The following CIB4 variants were observed in gnomAD, a reference collection of about 807,000 sequenced individuals.
CIB4 encodes the protein calcium and integrin binding family member 4.
CIB4 carries 25 observed loss-of-function variants against 25.8 expected under a neutral mutation model. The ratio of observed to expected loss-of-function variants is 0.97; its 90% CI spans 0.71 to 1.35. The LOEUF (loss-of-function observed/expected upper bound fraction) is 1.35, where lower values mean the gene tolerates loss of function less well. CIB4 is among the 40% of genes most tolerant of loss of function. CIB4 has a pLI of 0.00. For synonymous variants in CIB4, 75 were observed against 81.4 expected, an observed-to-expected ratio of 0.92 and a Z score of 0.42; for missense variants, 235 against 228.2, an observed-to-expected ratio of 1.03 and a Z score of -0.19.
At chr2:26,599,173 T>A (rs1353515964) in intron 3 of CIB4, among the ~76,000 whole-genome samples, 1 of 152,172 alleles carries the variant, frequency 6.6e-6, no homozygotes, top group East Asian at 1.9e-4. Context: ...ATTTCAAGAA[T>A]AACATGTACC....
intron 4 of CIB4, among the ~76,000 whole-genome samples, chr2:26,586,482 G>C (rs978824994): frequency 2.0e-4 from 30 of 152,232 alleles, no homozygotes; most frequent in African/African-American, 6.7e-4. Context: ...AACACACTAC[G>C]TGTTATTAGC....
At chr2:26,598,434 G>A (rs542752840) in intron 3 of CIB4, among the ~76,000 whole-genome samples, 1 of 152,282 alleles carries the variant, frequency 6.6e-6, no homozygotes, top group Non-Finnish European at 1.5e-5. Context: ...ACGGGAGGGG[G>A]CCACGGGACC....
intron 3 of CIB4, among the ~76,000 whole-genome samples, chr2:26,608,622 T>C (rs567342845): frequency 6.6e-6 from 1 of 152,282 alleles, no homozygotes; most frequent in African/African-American, 2.4e-5. Flanking sequence ...TGCCCCATCC[T>C]TGCCTGGACA....
chr2:26,636,567 T>C (rs1406610612), intron 2 of CIB4, among the ~76,000 whole-genome samples: 2 of 152,194 alleles, frequency 1.3e-5, no homozygotes, highest in African/African-American at 4.8e-5. Flanking sequence ...TTCCTTGTAA[T>C]TCGTTTTGCC....
At chr2:26,594,498 G>C (rs1052066974) in intron 4 of CIB4, among the ~76,000 whole-genome samples, 1 of 152,212 alleles carries the variant, frequency 6.6e-6, no homozygotes, top group Non-Finnish European at 1.5e-5. Flanking sequence ...ATGCGAATGA[G>C]CAAGTCTAAA....
chr2:26,604,889 G>A lies in CIB4; in HGVS notation c.187-9572C>T, dbSNP rs76506473. 2.6e-4 allele frequency among the ~76,000 whole-genome samples: 39 copies of A among 152,206 alleles called. No individual in the cohort carries two copies. In the East Asian group the frequency reaches 7.1e-3, roughly 28 times the overall value. On this transcript the variant is annotated intron_variant, in intron 3 of 6. Transcript: ENST00000288861. Reference sequence around the variant, plus strand: ...AGTAGGACCTCTAAAAATCATTAAGGATATGAAAGACTTAAAAAGACTACC... The same window carrying A: ...AGTAGGACCTCTAAAAATCATTAAGAATATGAAAGACTTAAAAAGACTACC...
chr2:26,609,305 G>T (rs1384730442), intron 3 of CIB4, among the ~76,000 whole-genome samples: 1 of 152,094 alleles, frequency 6.6e-6, no homozygotes, highest in Non-Finnish European at 1.5e-5. Flanking sequence ...GGAGGGCAGG[G>T]GGAAGAGGAA....
chr2:26,620,272 A>G lies in CIB4; in HGVS notation c.186+9138T>C, dbSNP rs559174924. 2.6e-5 allele frequency among the ~76,000 whole-genome samples: 4 copies of G among 152,324 alleles called. No individual in the cohort carries two copies. In the South Asian group the frequency reaches 8.3e-4, roughly 32 times the overall value. ...ATCTCCATCCCGGAATCCCCTACAGACTCTGCGACTGGAAGTCCCTGGTAG... is the reference window on the plus strand; with the variant it reads ...ATCTCCATCCCGGAATCCCCTACAGGCTCTGCGACTGGAAGTCCCTGGTAG... On this transcript the variant is annotated intron_variant, in intron 3 of 6. Transcript: ENST00000288861.
chr2:26,629,763 G>A (rs1197058180), intron 2 of CIB4, among the ~76,000 whole-genome samples: 1 of 152,234 alleles, frequency 6.6e-6, no homozygotes, highest in Non-Finnish European at 1.5e-5. Context: ...AGATGAGCCA[G>A]GTGAGAGGAA....
chr2:26,628,301 G>A (rs931390980), intron 3 of CIB4, among the ~76,000 whole-genome samples: 2 of 152,148 alleles, frequency 1.3e-5, no homozygotes. Context: ...ATTGGGAGGT[G>A]GGGGGAGCAG....
intron 3 of CIB4, among the ~76,000 whole-genome samples, chr2:26,598,163 G>C (rs529772539): frequency 3.3e-4 from 50 of 152,076 alleles, no homozygotes; most frequent in African/African-American, 1.1e-3. Flanking sequence ...AGTAGGGCGT[G>C]ATGGTGCGTG....
intron 3 of CIB4, among the ~76,000 whole-genome samples, chr2:26,598,967 G>C (rs1220113210): frequency 6.6e-6 from 1 of 152,198 alleles, no homozygotes; most frequent in Non-Finnish European, 1.5e-5. Flanking sequence ...GAAAGAGCAA[G>C]CCTCATTAGA....
chr2:26,593,636 C>T (rs1668629489), intron 4 of CIB4, among the ~76,000 whole-genome samples: 1 of 152,094 alleles, frequency 6.6e-6, no homozygotes, highest in South Asian at 2.1e-4. Context: ...ACATTGTGTA[C>T]AATTTTGAAT....
At chr2:26,591,765 C>A (rs1048138718) in intron 4 of CIB4, among the ~76,000 whole-genome samples, 1 of 152,230 alleles carries the variant, frequency 6.6e-6, no homozygotes, top group Non-Finnish European at 1.5e-5. Flanking sequence ...AGTCTCTCCC[C>A]CTGGCTGTCT....
intron 2 of CIB4, among the ~76,000 whole-genome samples, chr2:26,636,101 T>A (rs1219938107): frequency 6.6e-6 from 1 of 152,224 alleles, no homozygotes; most frequent in Non-Finnish European, 1.5e-5. Flanking sequence ...TTGTTTTCAC[T>A]ATAGATACTA....
Position 26,595,369 on chromosome 2 carries a change from T to C in CIB4, c.187-52A>G, listed in dbSNP as rs771240452. The C allele has an allele frequency of 4.5e-6, 7 of 1,572,006 alleles. No individual in the cohort carries two copies. In the African/African-American group the frequency reaches 8.1e-5, roughly 18 times the overall value. ...GAGGTCTATCAGGGTCGGGGCTGTG[T>C]CTCCCTGGGTCTCTCTCATCTATTA... On this transcript the variant is annotated intron_variant, in intron 3 of 6. Transcript: ENST00000288861.
rs1387478249 is a variant in CIB4 at position 26,623,791 on chromosome 2, G to T, written c.186+5619C>A. 2.0e-5 allele frequency among the ~76,000 whole-genome samples: 3 copies of T among 152,238 alleles called. No homozygotes were observed. In the East Asian group the frequency reaches 5.8e-4, roughly 29 times the overall value. On this transcript the variant is annotated intron_variant, in intron 3 of 6. Transcript: ENST00000288861. Reference sequence around the variant, plus strand: ...AGGCCTCCACCCTACCTGCTCCAAGGCCCTGCGATCTTCCTTTAGGCCCTG... The same window carrying T: ...AGGCCTCCACCCTACCTGCTCCAAGTCCCTGCGATCTTCCTTTAGGCCCTG...
At chr2:26,582,511 C>T (rs1207274222) in intron 6 of CIB4, among the ~76,000 whole-genome samples, 5 of 152,146 alleles carry the variant, frequency 3.3e-5, no homozygotes, top group Admixed American at 6.5e-5. Context: ...GCAGTGGGGT[C>T]GTCAGGAGCC....
At chr2:26,593,058 T>G (rs1668613248) in intron 4 of CIB4, among the ~76,000 whole-genome samples, 1 of 152,166 alleles carries the variant, frequency 6.6e-6, no homozygotes, top group South Asian at 2.1e-4. Context: ...GTTCCATCCA[T>G]GGAGGGTCCA....
Sources: gnomAD v4.1 joint callset for allele counts (sites outside exome capture counted in the v4.1 genomes callset) on GRCh38, gnomAD v4.1.1 for gene constraint, MANE v1.5 for transcripts, NCBI Gene and HGNC (gene_info 2026-07-23, HGNC 2026-07-21) for gene names.